The following POU6F2 variants were observed in gnomAD, a reference collection of about 807,000 sequenced individuals.
The protein encoded by POU6F2 is POU class 6 homeobox 2.
In POU6F2, 31 loss-of-function variants were observed where a neutral mutation model predicts 71.3. The ratio of observed to expected loss-of-function variants is 0.43; its 90% confidence interval spans 0.33 to 0.59. The LOEUF is 0.59. POU6F2 is among the 20% of genes least tolerant of loss of function. The pLI is 0.04. For missense variants in POU6F2, 783 were observed against 856.8 expected, an observed-to-expected ratio of 0.91 and a Z score of 1.07; for synonymous variants, 347 against 355.7, an observed-to-expected ratio of 0.98 and a Z score of 0.27.
intron 1 of POU6F2, among the ~76,000 whole-genome samples, chr7:39,001,005 A>G (rs1457761162): frequency 2.6e-5 from 4 of 152,200 alleles, no homozygotes; most frequent in African/African-American, 4.8e-5. Flanking sequence ...ATGGCATTAC[A>G]GTATATTATC....
At chr7:39,424,076 G>A (rs553319707) in intron 6 of POU6F2, among the ~76,000 whole-genome samples, 1 of 152,330 alleles carries the variant, frequency 6.6e-6, no homozygotes, top group Non-Finnish European at 1.5e-5. Context: ...CCTGGTCACA[G>A]ACAGCTATCT....
At chr7:39,405,431 T>C (rs1440917507) in intron 5 of POU6F2, among the ~76,000 whole-genome samples, 1 of 152,220 alleles carries the variant, frequency 6.6e-6, no homozygotes, top group Non-Finnish European at 1.5e-5. Flanking sequence ...GAATTAGGTA[T>C]GGCATTAATT....
chr7:39,203,760 T>G (rs796563467), intron 2 of POU6F2, among the ~76,000 whole-genome samples: 2 of 152,152 alleles, frequency 1.3e-5, no homozygotes, highest in Non-Finnish European at 2.9e-5. Flanking sequence ...GGCTTTGTTT[T>G]CAGGAAAGCG....
At chr7:39,263,422 A>G (rs1054962864) in intron 4 of POU6F2, among the ~76,000 whole-genome samples, 11 of 152,146 alleles carry the variant, frequency 7.2e-5, no homozygotes, top group Admixed American at 6.5e-5. Flanking sequence ...TCTTATTCTG[A>G]ATGTATTCCT....
At chr7:38,985,771 G>A (rs1303340385) in intron 1 of POU6F2, among the ~76,000 whole-genome samples, 1 of 151,878 alleles carries the variant, frequency 6.6e-6, no homozygotes, top group African/African-American at 2.4e-5. Context: ...ACATTCTTAG[G>A]TGCATTTCTT....
Position 39,397,394 on chromosome 7 carries a change from A to AAT in POU6F2, c.973-9196_973-9195dup, listed in dbSNP as rs547664265. Among the ~76,000 whole-genome samples, 12 of 146,384 alleles carry AAT rather than the reference A, an allele frequency of 8.2e-5. No homozygotes were observed. In the East Asian group the frequency reaches 1.8e-3, roughly 21 times the overall value. Reference sequence around the variant, plus strand: ...ATAGAGAGACAAATATATATAGACAAATATATATATAGACAAAAATATAGA... The same window carrying AAT: ...ATAGAGAGACAAATATATATAGACAAATATATATATATAGACAAAAATATAGA... On this transcript the variant is annotated intron_variant, in intron 5 of 9. Coordinates refer to ENST00000518318, the MANE Select transcript of POU6F2 (RefSeq NM_001370959.1).
chr7:39,203,427 TTTTG>T (rs1277242760), intron 2 of POU6F2, among the ~76,000 whole-genome samples: 3 of 152,226 alleles, frequency 2.0e-5, no homozygotes, highest in African/African-American at 4.8e-5. Flanking sequence ...GTTTTATTTG[TTTTG>T]TTTGTTTGTT....
intron 9 of POU6F2, among the ~76,000 whole-genome samples, chr7:39,463,530 G>A (rs530479790): frequency 6.6e-6 from 1 of 152,228 alleles, no homozygotes; most frequent in African/African-American, 2.4e-5. Context: ...AATGGGTAAT[G>A]TTTTACCTGG....
At chr7:39,289,207 C>A (rs1330370681) in intron 4 of POU6F2, among the ~76,000 whole-genome samples, 4 of 152,152 alleles carry the variant, frequency 2.6e-5, no homozygotes, top group African/African-American at 9.7e-5. Flanking sequence ...TCCTCCTGCC[C>A]CAGCATTACC....
At chr7:39,037,275 T>C (rs1050245017) in intron 1 of POU6F2, among the ~76,000 whole-genome samples, 3 of 152,052 alleles carry the variant, frequency 2.0e-5, no homozygotes, top group Non-Finnish European at 4.4e-5. Context: ...CCAACCTTCA[T>C]TTATTTTCTT....
At chr7:39,362,856 T>C (rs1210392507) in intron 5 of POU6F2, among the ~76,000 whole-genome samples, 1 of 151,980 alleles carries the variant, frequency 6.6e-6, no homozygotes, top group Non-Finnish European at 1.5e-5. Context: ...AGGGAGCAGA[T>C]GGAAAGCCCT....
At chr7:39,331,102 A>G (rs139845944) in intron 4 of POU6F2, among the ~76,000 whole-genome samples, 112 of 152,340 alleles carry the variant, frequency 7.4e-4, no homozygotes, top group African/African-American at 2.5e-3. Flanking sequence ...GCTGCAAATG[A>G]CAGAATTTCA....
rs144793847 is a variant in POU6F2 at position 39,444,569 on chromosome 7, G to A, written c.1321-6964G>A. Among the ~76,000 whole-genome samples, 624 of 152,360 alleles carry A rather than the reference G, an allele frequency of 4.1e-3. 2 individuals are homozygous for A. The highest frequency in any genetic ancestry group is 0.014 in the African/African-American group (573 of 41,584). On this transcript the variant is annotated intron_variant, in intron 7 of 9. Coordinates refer to ENST00000518318, the MANE Select transcript of POU6F2 (RefSeq NM_001370959.1). ...ACTGCACTCCAGCTTGGGCTACAGC[G>A]TGAGACACTGTCTCAAACAAACAAA...
chr7:39,207,329 G>A, intron 3 of POU6F2, 63 bp from the exon 4 acceptor site: 2 of 1,496,014 alleles, frequency 1.3e-6, no homozygotes, highest in Non-Finnish European at 1.8e-6. Flanking sequence ...GAAAGAAGAT[G>A]TTTTTAAAAC....
At position 39,408,987 on chromosome 7, in the gene POU6F2, T is replaced by A. The variant is rs538844078; in HGVS notation, c.1113+2247T>A. On this transcript the variant is annotated intron_variant, in intron 6 of 9. Coordinates refer to ENST00000518318, the MANE Select transcript of POU6F2 (RefSeq NM_001370959.1). Reference sequence around the variant, plus strand: ...TTACACCAAAAGAGATAGGCAAAAATTTTGTGTTTTTTGTTTGTGTGTGTG... The same window carrying A: ...TTACACCAAAAGAGATAGGCAAAAAATTTGTGTTTTTTGTTTGTGTGTGTG... 3.3e-5 allele frequency among the ~76,000 whole-genome samples: 5 copies of A among 152,232 alleles called. No individual in the cohort carries two copies. In the South Asian group the frequency reaches 1.0e-3, roughly 32 times the overall value.
intron 1 of POU6F2, 40 bp downstream of exon 1, chr7:38,978,098 A>G (rs1014163252): frequency 6.6e-6 from 1 of 152,110 alleles, no homozygotes; most frequent in African/African-American, 2.4e-5. Context: ...TTTTTTCCAC[A>G]AGGGTCTCAC....
At chr7:39,303,016 A>C (rs1248884366) in intron 4 of POU6F2, among the ~76,000 whole-genome samples, 1 of 152,266 alleles carries the variant, frequency 6.6e-6, no homozygotes, top group Non-Finnish European at 1.5e-5. Context: ...ACTAAGTTCC[A>C]AAGTGATGCT....
At chr7:39,108,647 T>C (rs1791742158) in intron 2 of POU6F2, among the ~76,000 whole-genome samples, 1 of 152,226 alleles carries the variant, frequency 6.6e-6, no homozygotes, top group Admixed American at 6.5e-5. Flanking sequence ...ATACAGTGAA[T>C]GCATTCCCCA....
chr7:39,098,850 C>T (rs77400785), intron 2 of POU6F2, among the ~76,000 whole-genome samples: 2,112 of 152,220 alleles, frequency 0.014, 41 homozygotes, highest in African/African-American at 0.048. Flanking sequence ...AATGTACTTG[C>T]TATGTTTAGA....
Sources: gnomAD v4.1 joint callset for allele counts (sites outside exome capture counted in the v4.1 genomes callset) on GRCh38, gnomAD v4.1.1 for gene constraint, MANE v1.5 for transcripts, NCBI Gene and HGNC (gene_info 2026-07-23, HGNC 2026-07-21) for gene names.